Variants in NALF1 observed in about 807,000 individuals in gnomAD.
The protein encoded by NALF1 is family with sequence similarity 155 member A.
NALF1 carries 3 observed loss-of-function variants against 48.4 expected under a neutral mutation model. The ratio of observed to expected loss-of-function variants is 0.06; its 90% CI spans 0.03 to 0.16. The LOEUF (loss-of-function observed/expected upper bound fraction) is 0.16. NALF1 is among the 10% of genes least tolerant of loss of function. The probability of loss-of-function intolerance (pLI) is 1.00; values close to 1 mark genes in which losing one functional copy is unlikely to be tolerated. For missense variants in NALF1, 526 were observed against 571.5 expected (o/e 0.92, Z 0.81); for synonymous variants, 262 against 245.7 (o/e 1.07, Z -0.62).
At chr13:107,663,925 C>G (rs1880792200) in intron 1 of NALF1, among the ~76,000 whole-genome samples, 1 of 152,124 alleles carries the variant, frequency 6.6e-6, no homozygotes, top group South Asian at 2.1e-4. Context: ...TCTTCTCTCT[C>G]TTCACTCCCT....
At chr13:107,522,142 AG>A (rs1234667717) in intron 1 of NALF1, among the ~76,000 whole-genome samples, 1 of 152,210 alleles carries the variant, frequency 6.6e-6, no homozygotes, top group Non-Finnish European at 1.5e-5. Flanking sequence ...CAATTGAAGG[AG>A]AAAATAATGG....
rs1411188353 is a variant in NALF1, at chr13:107,164,610, A to G, written c.*5887T>C. On this transcript the variant is annotated 3_prime_UTR_variant, in exon 3 of 3. Transcript: ENST00000375915. The stretch of plus-strand genomic sequence containing the variant: ...CTTGTAGAACCACTTCAATTTGTGT[A>G]GATGCCTTTAACTTTTGCTTGTCAG... The G allele has an allele frequency of 6.6e-6, 1 of 152,122 alleles. No homozygotes were observed. The highest frequency in any genetic ancestry group is 1.5e-5 in the Non-Finnish European group (1 of 68,030). 9.4% of individuals were successfully genotyped at this position (152,122 alleles called of 1,614,324 possible). A position where few individuals can be genotyped will look rare whatever the true frequency, so the allele number is the denominator to read the frequency against.
At position 107,522,238 on chromosome 13, in the gene NALF1, G is replaced by A. The variant is rs78775605; in HGVS notation, c.916-311483C>T. ...CTTAATGCTATTGGATATTTTTCTC[G>A]TATTTCGTATCCTCTCCCCTACGCC... On this transcript the variant is annotated intron_variant, in intron 1 of 2. Transcript: ENST00000375915. Among the ~76,000 whole-genome samples, 1,485 of 152,038 alleles carry A rather than the reference G, an allele frequency of 9.8e-3. 43 individuals carry two copies. The East Asian group carries it at 0.1, about 11-fold the overall frequency.
intron 1 of NALF1, among the ~76,000 whole-genome samples, chr13:107,503,396 T>C (rs1411475766): frequency 3.3e-5 from 5 of 152,110 alleles, no homozygotes; most frequent in Non-Finnish European, 5.9e-5. Flanking sequence ...AAAACCACTA[T>C]GAGATATTAC....
At position 107,813,135 on chromosome 13, in the gene NALF1, T is replaced by G. The variant is rs559280246; in HGVS notation, c.915+52547A>C. On this transcript the variant is annotated intron_variant, in intron 1 of 2. Coordinates refer to ENST00000375915, the MANE Select transcript of NALF1 (RefSeq NM_001080396.3). Reference sequence around the variant, plus strand: ...AGATTAGCAAGTTTCTTATTAGATATTCACTATGAAATAGGCTTGGTAAAA... The same window carrying G: ...AGATTAGCAAGTTTCTTATTAGATAGTCACTATGAAATAGGCTTGGTAAAA... Among the ~76,000 whole-genome samples the G allele has an allele frequency of 5.3e-5, 8 of 152,320 alleles. No individual in the cohort carries two copies. In the South Asian group the frequency reaches 1.5e-3, roughly 28 times the overall value.
At chr13:107,858,810 A>C (rs1880498716) in intron 1 of NALF1, among the ~76,000 whole-genome samples, 1 of 152,248 alleles carries the variant, frequency 6.6e-6, no homozygotes, top group Admixed American at 6.5e-5. Context: ...GTGATGATTA[A>C]ACAAATTAGA....
At chr13:107,437,059 C>A in intron 1 of NALF1, among the ~76,000 whole-genome samples, 1 of 136,874 alleles carries the variant, frequency 7.3e-6, no homozygotes, top group East Asian at 2.0e-4. Flanking sequence ...CGTAAGCAAC[C>A]CAATTAAACA....
rs147761287 is a variant in NALF1 at position 107,449,455 on chromosome 13, G to A, written c.916-238700C>T. The stretch of plus-strand genomic sequence containing the variant: ...AGGAAGAGGTAAAATTGCAAAGGGT[G>A]TATTTGGACGACAAAAGAGATTAAA... On this transcript the variant is annotated intron_variant, in intron 1 of 2. Coordinates refer to ENST00000375915, the MANE Select transcript of NALF1 (RefSeq NM_001080396.3). 4.9e-3 allele frequency among the ~76,000 whole-genome samples: 752 copies of A among 152,236 alleles called. 8 individuals carry two copies. The highest frequency in any genetic ancestry group is 0.017 in the African/African-American group (720 of 41,524).
At chr13:107,830,097 G>A (rs1309585952) in intron 1 of NALF1, among the ~76,000 whole-genome samples, 2 of 152,140 alleles carry the variant, frequency 1.3e-5, no homozygotes, top group East Asian at 3.9e-4. Context: ...AAACTACACT[G>A]AGAACAATTC....
At chr13:107,677,322 A>G (rs8002356) in intron 1 of NALF1, among the ~76,000 whole-genome samples, 150,274 of 152,324 alleles carry the variant, frequency 0.99, 74,153 homozygotes, top group East Asian at 1. Flanking sequence ...GATTACAGGC[A>G]TGAGCCACCG....
intron 1 of NALF1, among the ~76,000 whole-genome samples, chr13:107,566,184 G>A (rs1035993124): frequency 6.6e-6 from 1 of 152,138 alleles, no homozygotes; most frequent in Non-Finnish European, 1.5e-5. Context: ...TTTATAAGAG[G>A]CATTTCACAA....
At chr13:107,410,072 T>C (rs1240513892) in intron 1 of NALF1, among the ~76,000 whole-genome samples, 1 of 152,238 alleles carries the variant, frequency 6.6e-6, no homozygotes, top group Non-Finnish European at 1.5e-5. Context: ...TTATGGAAAT[T>C]TTATGAAAAT....
At chr13:107,469,415 T>C (rs1885060126) in intron 1 of NALF1, among the ~76,000 whole-genome samples, 1 of 152,152 alleles carries the variant, frequency 6.6e-6, no homozygotes, top group Non-Finnish European at 1.5e-5. Flanking sequence ...AATGGAAGTG[T>C]CCACCATGTG....
chr13:107,688,781 T>G (rs1881499778), intron 1 of NALF1, among the ~76,000 whole-genome samples: 1 of 152,084 alleles, frequency 6.6e-6, no homozygotes, highest in Non-Finnish European at 1.5e-5. Flanking sequence ...AATCAGAAAT[T>G]TCAATGCATG....
intron 1 of NALF1, among the ~76,000 whole-genome samples, chr13:107,398,043 T>C (rs1337432808): frequency 6.6e-6 from 1 of 152,186 alleles, no homozygotes; most frequent in African/African-American, 2.4e-5. Context: ...AGCAGATTAA[T>C]AATAAGCAAT....
intron 1 of NALF1, among the ~76,000 whole-genome samples, chr13:107,763,804 T>A (rs1204916693): frequency 6.6e-6 from 1 of 152,162 alleles, no homozygotes; most frequent in African/African-American, 2.4e-5. Flanking sequence ...CAGACAGGAC[T>A]ACCAGGTATA....
At chr13:107,690,267 T>G (rs1881537783) in intron 1 of NALF1, among the ~76,000 whole-genome samples, 1 of 152,206 alleles carries the variant, frequency 6.6e-6, no homozygotes, top group Non-Finnish European at 1.5e-5. Flanking sequence ...ACTCGAAGCT[T>G]CAAATGAGAA....
At chr13:107,618,601 T>C (rs1027160823) in intron 1 of NALF1, among the ~76,000 whole-genome samples, 1 of 152,128 alleles carries the variant, frequency 6.6e-6, no homozygotes, top group African/African-American at 2.4e-5. Flanking sequence ...ACCGGGATGC[T>C]AGCCAGGAGC....
At chr13:107,721,616 G>A (rs1875988942) in intron 1 of NALF1, among the ~76,000 whole-genome samples, 1 of 152,144 alleles carries the variant, frequency 6.6e-6, no homozygotes, top group South Asian at 2.1e-4. Context: ...CCCTTTGACG[G>A]GATTTCCCTC....
Sources: gnomAD v4.1 joint callset for allele counts (sites outside exome capture counted in the v4.1 genomes callset) on GRCh38, gnomAD v4.1.1 for gene constraint, MANE v1.5 for transcripts, NCBI Gene and HGNC (gene_info 2026-07-23, HGNC 2026-07-21) for gene names.